DNAJC12: variants seen among roughly 807,000 people sequenced by gnomAD.
DNAJC12 encodes DnaJ heat shock protein family (Hsp40) member C12, also known as dnaJ homolog subfamily C member 12.
In DNAJC12, 25 loss-of-function variants were observed where a neutral mutation model predicts 28.5. That is an observed-to-expected ratio of 0.88 (90% confidence interval 0.64 to 1.22). The LOEUF (loss-of-function observed/expected upper bound fraction) is 1.22. DNAJC12 is among the 50% of genes most tolerant of loss of function. The pLI, the probability that DNAJC12 is intolerant of heterozygous loss-of-function variation, is 0.00. For synonymous variants in DNAJC12, 77 were observed against 80.6 expected, an observed-to-expected ratio of 0.95 and a Z score of 0.24; for missense variants, 222 against 231.7, an observed-to-expected ratio of 0.96 and a Z score of 0.27.
At chr10:67,819,062 G>C (rs578047042) in intron 2 of DNAJC12, among the ~76,000 whole-genome samples, 2 of 152,190 alleles carry the variant, frequency 1.3e-5, no homozygotes, top group Non-Finnish European at 2.9e-5. Flanking sequence ...GGTCGGGAGC[G>C]GTGGCTCACG....
chr10:67,837,955 C>G lies in DNAJC12; in HGVS notation c.57G>C (p.Leu19=). Residue 19 remains leucine (L), a synonymous_variant, in exon 1 of 5, where the codon CTG becomes CTC. Coordinates refer to ENST00000225171, the MANE Select transcript of DNAJC12 (RefSeq NM_021800.3). Reference sequence around the variant, plus strand: ...TTACCGAAGATAGTTCATCACATCCCAGTAATGTGTAGTAATCTTCAGTAT... The same window carrying G: ...TTACCGAAGATAGTTCATCACATCCGAGTAATGTGTAGTAATCTTCAGTAT... ...SEDTEDYYTL[L]GCDELSSVEQ... 6.2e-7 allele frequency: 1 copy of G among 1,607,344 alleles called. No individual in the cohort carries two copies. The highest frequency in any genetic ancestry group is 8.5e-7 in the Non-Finnish European group (1 of 1,176,402).
At chr10:67,812,711 G>A (rs984506730) in intron 2 of DNAJC12, among the ~76,000 whole-genome samples, 1 of 151,566 alleles carries the variant, frequency 6.6e-6, no homozygotes, top group Non-Finnish European at 1.5e-5. Flanking sequence ...AAAAATAGCT[G>A]GGGGTGGTGG....
intron 2 of DNAJC12, among the ~76,000 whole-genome samples, chr10:67,822,759 G>A (rs773363171): frequency 6.6e-6 from 1 of 152,218 alleles, no homozygotes; most frequent in Middle Eastern, 3.4e-3. Context: ...AGGCCGAGGT[G>A]GGGGATCACT....
At chr10:67,830,664 G>T (rs180704645) in intron 1 of DNAJC12, among the ~76,000 whole-genome samples, 22 of 149,302 alleles carry the variant, frequency 1.5e-4, no homozygotes, top group African/African-American at 4.2e-4. Flanking sequence ...TAAATTTTTT[G>T]ATACTTAATA....
At chr10:67,820,194 T>G (rs1056266901) in intron 2 of DNAJC12, among the ~76,000 whole-genome samples, 1 of 152,118 alleles carries the variant, frequency 6.6e-6, no homozygotes, top group Non-Finnish European at 1.5e-5. Flanking sequence ...CTAATGTAAT[T>G]CTGAGTGGCT....
At chr10:67,797,789 C>CCAG (rs1190555802) in intron 4 of DNAJC12, among the ~76,000 whole-genome samples, 2 of 152,098 alleles carry the variant, frequency 1.3e-5, no homozygotes, top group Admixed American at 6.5e-5. Context: ...GCCTGTAATC[C>CCAG]CAGCACTTTG....
intron 1 of DNAJC12, among the ~76,000 whole-genome samples, chr10:67,830,497 A>G (rs774531380): frequency 2.7e-5 from 4 of 150,294 alleles, no homozygotes; most frequent in Non-Finnish European, 5.9e-5. Flanking sequence ...AATCACAGCT[A>G]TTCAGGAGGC....
intron 1 of DNAJC12, chr10:67,834,130 T>A (rs976883349): frequency 7.0e-5 from 30 of 431,072 alleles, no homozygotes; most frequent in Non-Finnish European, 1.3e-4. Context: ...AGTTTATGTA[T>A]ATGAGTACCA....
chr10:67,810,001 A>C (rs1022877528), intron 3 of DNAJC12, among the ~76,000 whole-genome samples: 1 of 152,162 alleles, frequency 6.6e-6, no homozygotes, highest in Non-Finnish European at 1.5e-5. Context: ...CACTGCTGTA[A>C]AGAACTACCT....
chr10:67,817,678 A>C (rs1486054809), intron 2 of DNAJC12, among the ~76,000 whole-genome samples: 1 of 150,138 alleles, frequency 6.7e-6, no homozygotes, highest in Non-Finnish European at 1.5e-5. Flanking sequence ...GGAGTTTGAG[A>C]CCATCCTGGC....
intron 4 of DNAJC12, among the ~76,000 whole-genome samples, chr10:67,797,934 G>C (rs1346831062): frequency 6.6e-6 from 1 of 151,790 alleles, no homozygotes; most frequent in Non-Finnish European, 1.5e-5. Context: ...CAGCTACTCG[G>C]GAGGCTGAGG....
intron 4 of DNAJC12, among the ~76,000 whole-genome samples, chr10:67,803,826 A>G (rs934033317): frequency 2.6e-5 from 4 of 152,234 alleles, no homozygotes; most frequent in African/African-American, 7.2e-5. Flanking sequence ...TCCTTTGATC[A>G]GTTTGTTAAA....
chr10:67,837,865 A>C, intron 1 of DNAJC12, 69 bp downstream of exon 1: 3 of 1,234,932 alleles, frequency 2.4e-6, no homozygotes, highest in Non-Finnish European at 3.4e-6. Context: ...TTAAAACCTT[A>C]AATAAAAACT....
At chr10:67,803,233 G>T (rs534024871) in intron 4 of DNAJC12, among the ~76,000 whole-genome samples, 138 of 152,126 alleles carry the variant, frequency 9.1e-4, no homozygotes, top group Admixed American at 5.9e-4. Context: ...GATGCAGAGG[G>T]GTTAACTAGC....
At chr10:67,809,244 A>T (rs550599041) in intron 3 of DNAJC12, among the ~76,000 whole-genome samples, 1 of 152,138 alleles carries the variant, frequency 6.6e-6, no homozygotes, top group East Asian at 1.9e-4. Context: ...CCATGCTGCC[A>T]TATATTTTGG....
Position 67,823,246 on chromosome 10 carries a change from C to T in DNAJC12, c.157+68G>A, listed in dbSNP as rs1841997606. 3.9e-6 allele frequency: 5 copies of T among 1,275,846 alleles called. No homozygotes were observed. In the South Asian group the frequency reaches 6.2e-5, roughly 16 times the overall value. The allele number at this position is 1,275,846 out of a possible 1,614,324, so 79.0% of individuals were successfully genotyped here. On this transcript the variant is annotated intron_variant, in intron 2 of 4. Transcript: ENST00000225171. ...AGAGAAAATTGAGAAAATTAAGTTA[C>T]TATTCACTGGCTTTTGGTTCTATAT...
At chr10:67,801,324 G>A (rs977054489) in intron 4 of DNAJC12, among the ~76,000 whole-genome samples, 4 of 152,134 alleles carry the variant, frequency 2.6e-5, no homozygotes, top group Non-Finnish European at 4.4e-5. Flanking sequence ...AAAAATTTAC[G>A]CTGCAGTAAA....
At chr10:67,815,670 A>C (rs1456356977) in intron 2 of DNAJC12, among the ~76,000 whole-genome samples, 1 of 152,192 alleles carries the variant, frequency 6.6e-6, no homozygotes, top group Non-Finnish European at 1.5e-5. Flanking sequence ...TGTATAAATG[A>C]TACGTCACTT....
At chr10:67,820,118 T>C (rs559912277) in intron 2 of DNAJC12, among the ~76,000 whole-genome samples, 158 of 151,976 alleles carry the variant, frequency 1.0e-3, no homozygotes, top group Non-Finnish European at 1.8e-3. Flanking sequence ...AACCATGGAG[T>C]GTTTCAGGCA....
Sources: gnomAD v4.1 joint callset for allele counts (sites outside exome capture counted in the v4.1 genomes callset) on GRCh38, gnomAD v4.1.1 for gene constraint, MANE v1.5 for transcripts, NCBI Gene and HGNC (gene_info 2026-07-23, HGNC 2026-07-21) for gene names.